PTPN13: variants seen among roughly 807,000 people sequenced by gnomAD.
The protein encoded by PTPN13 is protein tyrosine phosphatase non-receptor type 13.
PTPN13 carries 191 observed loss-of-function variants against 284.0 expected under a neutral mutation model. The ratio of observed to expected loss-of-function variants is 0.67; its 90% CI spans 0.60 to 0.76. The LOEUF (loss-of-function observed/expected upper bound fraction) is 0.76. Among genes scored for constraint, PTPN13 ranks in the 30% least tolerant of loss-of-function variants. The pLI is 0.00. For synonymous variants in PTPN13, 986 were observed against 1,022.3 expected, an observed-to-expected ratio of 0.96 and a Z score of 0.68; for missense variants, 2,797 against 2,939.9, an observed-to-expected ratio of 0.95 and a Z score of 1.12.
intron 1 of PTPN13, among the ~76,000 whole-genome samples, chr4:86,604,529 G>A (rs774014491): frequency 7.2e-5 from 11 of 151,896 alleles, no homozygotes; most frequent in Non-Finnish European, 1.2e-4. Flanking sequence ...TTATATGTAA[G>A]ATCTTTTTAG....
intron 3 of PTPN13, among the ~76,000 whole-genome samples, chr4:86,681,854 A>G (rs1728929224): frequency 1.3e-5 from 2 of 152,014 alleles, no homozygotes; most frequent in African/African-American, 4.8e-5. Context: ...GCTTGAACCC[A>G]GGAGGCGAAG....
chr4:86,630,015 C>T (rs911823919), intron 1 of PTPN13, among the ~76,000 whole-genome samples: 1 of 152,148 alleles, frequency 6.6e-6, no homozygotes. Flanking sequence ...ATCCTCTCAC[C>T]TTGGCCTCCC....
At position 86,707,535 on chromosome 4, in the gene PTPN13, G is replaced by T. The variant is rs1389228895; in HGVS notation, c.1195+5734G>T. Among the ~76,000 whole-genome samples the T allele has an allele frequency of 2.6e-5, 4 of 152,268 alleles. No individual in the cohort carries two copies. The East Asian group carries it at 7.7e-4, about 29-fold the overall frequency. ...GAATTTAAAAGTTTACATTCTTACA[G>T]TTACGCTTAAGAAAAGCAAAGGGAT... On this transcript the variant is annotated intron_variant, in intron 7 of 47. Transcript: ENST00000411767.
chr4:86,785,253 C>T lies in PTPN13; in HGVS notation c.6141C>T (p.Asp2047=), dbSNP rs989534496. The T allele has an allele frequency of 1.3e-6, 2 of 1,567,300 alleles. No homozygotes were observed. Among genetic ancestry groups the T allele is most frequent in the African/African-American group, 2.7e-5 (2 of 73,398 alleles). ...AAGAATCTTATATACAAGAAGATGACATTTATGATGATTCCCAAGAAGCTG... is the reference window on the plus strand; with the variant it reads ...AAGAATCTTATATACAAGAAGATGATATTTATGATGATTCCCAAGAAGCTG... ...LPKESYIQED[D]IYDDSQEAEV... is the part of the protein sequence containing the mutation. Residue 2047 remains aspartate (D), a synonymous_variant, in exon 39 of 48, where the codon GAC becomes GAT. Transcript: ENST00000411767.
rs1763420477 is a variant in PTPN13 at position 86,594,666 on chromosome 4, C to T, written c.-129C>T. The T allele has an allele frequency of 6.6e-6, 1 of 152,246 alleles. No homozygotes were observed. Among genetic ancestry groups the T allele is most frequent in the African/African-American group, 2.4e-5 (1 of 41,444 alleles). The allele number at this position is 152,246 out of a possible 1,614,324, so 9.4% of individuals were successfully genotyped here. On this transcript the variant is annotated 5_prime_UTR_variant, in exon 1 of 48. Transcript: ENST00000411767. ...CTCCTTCAGCCCACGCCCGCAGCCG[C>T]TTGTGGGAGAAGTGGTGGTGGCTCT...
At chr4:86,770,667 A>G (rs543078267) in intron 30 of PTPN13, among the ~76,000 whole-genome samples, 128 of 152,346 alleles carry the variant, frequency 8.4e-4, no homozygotes, top group Middle Eastern at 3.4e-3. Flanking sequence ...TTAGAAAACA[A>G]TTTGGAAATA....
At position 86,605,494 on chromosome 4, in the gene PTPN13, G is replaced by A. The variant is rs1184566682; in HGVS notation, c.-6+10705G>A. ...GTGAGAAAGAATCATCTCCTTTTAT[G>A]AGGATTGTCTGGATGGTAAAGAATG... On this transcript the variant is annotated intron_variant, in intron 1 of 47. Transcript: ENST00000411767. Among the ~76,000 whole-genome samples the A allele has an allele frequency of 2.0e-5, 3 of 152,014 alleles. No homozygotes were observed. In the South Asian group the frequency reaches 6.2e-4, roughly 32 times the overall value.
Position 86,764,687 on chromosome 4 carries a change from T to C in PTPN13, c.4112T>C (p.Leu1371Pro), listed in dbSNP as rs1739081123. The C allele has an allele frequency of 6.2e-7, 1 of 1,606,162 alleles. No individual in the cohort carries two copies. The highest frequency in any genetic ancestry group is 1.3e-5 in the African/African-American group (1 of 74,570). The change falls in exon 25 of 48, where the codon CTG becomes CCG. Residue 1371 changes from leucine (L) to proline (P), a missense_variant. By Grantham distance (98) the Leu-to-Pro change is moderately conservative. Coordinates refer to ENST00000411767, the MANE Select transcript of PTPN13 (RefSeq NM_080683.3). ...CCTGGAGATATCTTTGAGGTTGAAC[T>C]GGCTAAAAATGATAACAGCTTGGGG... ...PKPGDIFEVE[L>P]AKNDNSLGIS... is the part of the protein sequence containing the mutation.
In PTPN13 at chr4:86,635,326, G is replaced by C; in HGVS notation, c.70G>C (p.Val24Leu). The change falls in exon 2 of 48, where the codon GTA becomes CTA. Residue 24 changes from valine to leucine, a missense_variant. Physicochemically the swap from Val to Leu is conservative, Grantham distance 32. Transcript: ENST00000411767. ...ACTTCAGGAGGAAGAAATATGGGCT[G>C]TATTAAATCAAAGTGCTGAAAGTCT... ...GPLQEEEIWA[V>L]LNQSAESLQE... is the part of the protein sequence containing the mutation. The C allele has an allele frequency of 1.2e-6, 2 of 1,606,976 alleles. No individual in the cohort carries two copies. Among genetic ancestry groups the C allele is most frequent in the South Asian group, 2.2e-5 (2 of 89,112 alleles).
At chr4:86,673,599 T>A (rs1293181023) in intron 3 of PTPN13, among the ~76,000 whole-genome samples, 1 of 152,192 alleles carries the variant, frequency 6.6e-6, no homozygotes, top group African/African-American at 2.4e-5. Flanking sequence ...ATCTATCATA[T>A]TTTTAGGAGC....
chr4:86,689,247 C>A, intron 5 of PTPN13, 57 bp downstream of exon 5: 1 of 1,473,434 alleles, frequency 6.8e-7, no homozygotes, highest in Non-Finnish European at 9.3e-7. Flanking sequence ...GTAGATATCA[C>A]AAAATTTTCT....
chr4:86,782,689 CA>C (rs1330374458), intron 37 of PTPN13, among the ~76,000 whole-genome samples: 1 of 151,526 alleles, frequency 6.6e-6, no homozygotes, highest in African/African-American at 2.4e-5. Flanking sequence ...ACAGAAGTAG[CA>C]AAAAAATAAA....
intron 10 of PTPN13, among the ~76,000 whole-genome samples, chr4:86,731,478 G>T (rs746899837): frequency 1.2e-3 from 182 of 152,274 alleles, no homozygotes; most frequent in Non-Finnish European, 1.6e-3. Context: ...GGGGACATTG[G>T]CAGGGGTCAG....
At chr4:86,614,627 A>G (rs1467489839) in intron 1 of PTPN13, among the ~76,000 whole-genome samples, 3 of 152,166 alleles carry the variant, frequency 2.0e-5, no homozygotes, top group Non-Finnish European at 4.4e-5. Flanking sequence ...ACATCAAGAT[A>G]TATTTCCTGA....
intron 47 of PTPN13, among the ~76,000 whole-genome samples, chr4:86,814,101 G>A (rs530213426): frequency 2.2e-5 from 3 of 139,290 alleles, no homozygotes; most frequent in Non-Finnish European, 3.0e-5. Context: ...TCCGCCTCCT[G>A]TGTCAAGCGA....
chr4:86,638,613 A>T (rs970766665), intron 2 of PTPN13, among the ~76,000 whole-genome samples: 2 of 152,206 alleles, frequency 1.3e-5, no homozygotes, highest in Admixed American at 6.5e-5. Flanking sequence ...TGCTGGGAAA[A>T]CTGGCTAGCC....
At position 86,753,139 on chromosome 4, in the gene PTPN13, A is replaced by G. The variant is rs1284376729; in HGVS notation, c.3223+74A>G. The G allele has an allele frequency of 1.3e-5, 15 of 1,173,024 alleles. No homozygotes were observed. The East Asian group carries it at 3.4e-4, about 26-fold the overall frequency. 72.7% of individuals were successfully genotyped at this position (1,173,024 alleles called of 1,614,324 possible). On this transcript the variant is annotated intron_variant, in intron 20 of 47. Coordinates refer to ENST00000411767, the MANE Select transcript of PTPN13 (RefSeq NM_080683.3). ...TTACTGAGATAGTCTTGGACCTAAC[A>G]ATGAAGAGTCTTGAGTTCCATGCCT...
rs1174687940 is a variant in PTPN13, at chr4:86,803,746, C to G, written c.6543C>G (p.Leu2181=). 1 of 1,613,874 alleles carries G rather than the reference C, an allele frequency of 6.2e-7. No individual in the cohort carries two copies. The highest frequency in any genetic ancestry group is 2.2e-5 in the East Asian group (1 of 44,882). The part of the protein sequence containing the change: ...SFLTNDELAV[L]PVVKVLPSGK... The stretch of plus-strand genomic sequence containing the variant: ...TGACAAACGATGAGCTCGCTGTACT[C>G]CCTGTCGTCAAAGTGCTTCCCTCTG... Residue 2181 remains leucine, a synonymous_variant, in exon 43 of 48, where the codon CTC becomes CTG. Coordinates refer to ENST00000411767, the MANE Select transcript of PTPN13 (RefSeq NM_080683.3).
At chr4:86,661,052 C>A (rs551399002) in intron 2 of PTPN13, 7 of 446,240 alleles carry the variant, frequency 1.6e-5, no homozygotes, top group South Asian at 1.6e-5. Context: ...AATTGTACAG[C>A]CTGATTAATT....
Sources: allele counts gnomAD v4.1 joint callset (sites outside exome capture counted in the v4.1 genomes callset), GRCh38; gene constraint gnomAD v4.1.1; transcripts MANE v1.5; gene names NCBI Gene and HGNC (gene_info 2026-07-23, HGNC 2026-07-21).